AREG: variants seen among roughly 807,000 people sequenced by gnomAD.
The protein encoded by AREG is amphiregulin.
A neutral mutation model predicts 28.0 loss-of-function variants in AREG; 16 were observed. The observed-to-expected ratio is 0.57, with a 90% CI of 0.39 to 0.87. The LOEUF (loss-of-function observed/expected upper bound fraction) is 0.87. Ranked by LOEUF, AREG falls within the 40% of genes least tolerant of loss-of-function variation. AREG has a pLI of 0.00. For missense variants in AREG, 287 were observed against 309.1 expected, an observed-to-expected ratio of 0.93 and a Z score of 0.53; for synonymous variants, 113 against 113.5, an observed-to-expected ratio of 1.00 and a Z score of 0.02.
intron 4 of AREG, among the ~76,000 whole-genome samples, chr4:74,450,740 A>G (rs1260656095): frequency 6.6e-6 from 1 of 152,196 alleles, no homozygotes; most frequent in African/African-American, 2.4e-5. Context: ...TAACATGTAA[A>G]GCCCTTTTAT....
chr4:74,450,496 C>T lies in AREG; in HGVS notation c.629C>T (p.Ala210Val). 5 of 1,613,964 alleles carry T rather than the reference C, an allele frequency of 3.1e-6. No homozygotes were observed. The highest frequency in any genetic ancestry group is 4.2e-6 in the Non-Finnish European group (5 of 1,179,856). The change falls in exon 4 of 6, where the codon GCT (alanine) becomes GTT (valine). Residue 210 changes from alanine to valine, a missense_variant. Coordinates refer to ENST00000395748, the MANE Select transcript of AREG (RefSeq NM_001657.4). ...GCAGCCATAGCTGCCTTTATGTCTGCTGTGATCCTCACAGCTGTTGCTGTT... is the reference window on the plus strand; with the variant it reads ...GCAGCCATAGCTGCCTTTATGTCTGTTGTGATCCTCACAGCTGTTGCTGTT... ...ALAAIAAFMS[A>V]VILTAVAVIT...
intron 4 of AREG, 68 bp downstream of exon 4, chr4:74,450,600 C>T: frequency 6.3e-7 from 1 of 1,583,028 alleles, no homozygotes; most frequent in Admixed American, 1.7e-5. Context: ...GTATTTCTCT[C>T]ATACTCTACT....
At chr4:74,446,053 AT>A (rs1027689438) in intron 1 of AREG, among the ~76,000 whole-genome samples, 2 of 88,086 alleles carry the variant, frequency 2.3e-5, no homozygotes, top group Non-Finnish European at 4.5e-5. Flanking sequence ...TTTTAAAAAT[AT>A]GAACACATCT....
intron 2 of AREG, 134 bp downstream of exon 2, chr4:74,446,916 A>G: frequency 1.9e-6 from 3 of 1,567,352 alleles, no homozygotes; most frequent in Non-Finnish European, 2.6e-6. Context: ...CCCTAGGTAA[A>G]CTGTGACAAA....
intron 2 of AREG, among the ~76,000 whole-genome samples, chr4:74,447,895 A>G (rs1220256384): frequency 6.6e-6 from 1 of 152,238 alleles, no homozygotes; most frequent in Non-Finnish European, 1.5e-5. Context: ...TTTTGAAGGC[A>G]TGAGATTAGA....
chr4:74,455,002 C>A lies in AREG; in HGVS notation c.*262C>A. On this transcript the variant is annotated 3_prime_UTR_variant, in exon 6 of 6. Transcript: ENST00000395748. ...TTACAGCTCATTAAACTTTTTTAAC[C>A]AAACAGATTGAGAGTTTGAATATTA... 1 of 568,800 alleles carries A rather than the reference C, an allele frequency of 1.8e-6. No individual in the cohort carries two copies. The highest frequency in any genetic ancestry group is 3.1e-6 in the Non-Finnish European group (1 of 324,398). 35.2% of individuals were successfully genotyped at this position (568,800 alleles called of 1,614,324 possible). A position where few individuals can be genotyped will look rare whatever the true frequency, so the allele number is the denominator to read the frequency against.
chr4:74,445,494 G>T, intron 1 of AREG, 88 bp downstream of exon 1: 3 of 1,546,800 alleles, frequency 1.9e-6, no homozygotes, highest in Non-Finnish European at 2.6e-6. Flanking sequence ...TCTAAAAATC[G>T]CCCTTTAGTT....
At chr4:74,452,162 A>G (rs1370175872) in intron 4 of AREG, among the ~76,000 whole-genome samples, 1 of 152,194 alleles carries the variant, frequency 6.6e-6, no homozygotes, top group Non-Finnish European at 1.5e-5. Context: ...GCCTGTTTCA[A>G]AAATATTTAA....
Position 74,445,225 on chromosome 4 carries a change from G to T in AREG, c.-121G>T. The stretch of plus-strand genomic sequence containing the variant: ...GCCGCCCCGAGCTCCCCAAGCCTTC[G>T]AGAGCGGCGCACACTCCCGGTCTCC... On this transcript the variant is annotated 5_prime_UTR_variant, in exon 1 of 6. Coordinates refer to ENST00000395748, the MANE Select transcript of AREG (RefSeq NM_001657.4). 1 of 1,528,388 alleles carries T rather than the reference G, an allele frequency of 6.5e-7. No individual in the cohort carries two copies. The highest frequency in any genetic ancestry group is 1.2e-5 in the South Asian group (1 of 81,950). The allele number at this position is 1,528,388 out of a possible 1,614,324, so 94.7% of individuals were successfully genotyped here.
At position 74,445,273 on chromosome 4, in the gene AREG, C is replaced by T. The variant is rs1320946464; in HGVS notation, c.-73C>T. The stretch of plus-strand genomic sequence containing the variant: ...TCCACTCGCTCTTCCAACACCCGCT[C>T]GTTTTGGCGGCAGCTCGTGTCCCAG... On this transcript the variant is annotated 5_prime_UTR_variant, in exon 1 of 6. Transcript: ENST00000395748. 4.8e-5 allele frequency: 76 copies of T among 1,572,442 alleles called. No individual in the cohort carries two copies. Among genetic ancestry groups the T allele is most frequent in the Non-Finnish European group, 6.9e-6 (8 of 1,160,514 alleles).
At position 74,449,896 on chromosome 4, in the gene AREG, C is replaced by T. The variant is rs993963040; in HGVS notation, c.513-484C>T. ...TATAAACCATTATTTTTTGTGCATG[C>T]TCCTGCTTGCTCTCTCTCTCTCTCT... On this transcript the variant is annotated intron_variant, in intron 3 of 5. Coordinates refer to ENST00000395748, the MANE Select transcript of AREG (RefSeq NM_001657.4). Among the ~76,000 whole-genome samples, 946 of 146,918 alleles carry T rather than the reference C, an allele frequency of 6.4e-3. 11 individuals carry two copies. Among genetic ancestry groups the T allele is most frequent in the African/African-American group, 0.023 (909 of 39,390 alleles).
Position 74,446,524 on chromosome 4 carries a change from T to A in AREG, c.62-10T>A, listed in dbSNP as rs988973438. 6.2e-7 allele frequency: 1 copy of A among 1,613,824 alleles called. No individual in the cohort carries two copies. The highest frequency in any genetic ancestry group is 8.5e-7 in the Non-Finnish European group (1 of 1,179,862). On this transcript the variant is annotated splice_polypyrimidine_tract_variant and intron_variant, in intron 1 of 5. Coordinates refer to ENST00000395748, the MANE Select transcript of AREG (RefSeq NM_001657.4). ...CCTTTTCTTTTCTTCCTTTATTCCC[T>A]CCCCTGCAGGCCATTATGCTGCTGG...
chr4:74,449,337 T>C, intron 3 of AREG, 89 bp downstream of exon 3: 1 of 1,591,220 alleles, frequency 6.3e-7, no homozygotes, highest in Non-Finnish European at 8.6e-7. Context: ...TTTTCCAATG[T>C]ATAAACCAAG....
rs28364993 is a variant in AREG, at chr4:74,454,446, G to A, written c.*19-313G>A. 3.9e-3 allele frequency among the ~76,000 whole-genome samples: 601 copies of A among 152,266 alleles called. 11 individuals carry two copies. In the East Asian group the frequency reaches 0.045, roughly 11 times the overall value. On this transcript the variant is annotated intron_variant, in intron 5 of 5. Transcript: ENST00000395748. ...TAATTATGTCCACTGCATAGATTTGGTTAGGAAAACTATTTCTCATGACTG... is the reference window on the plus strand; with the variant it reads ...TAATTATGTCCACTGCATAGATTTGATTAGGAAAACTATTTCTCATGACTG...
At chr4:74,449,709 C>T (rs974846573) in intron 3 of AREG, among the ~76,000 whole-genome samples, 1 of 152,142 alleles carries the variant, frequency 6.6e-6, no homozygotes, top group Admixed American at 6.5e-5. Context: ...GAGCCGTGAT[C>T]GCACCACTAC....
At chr4:74,448,691 C>A in intron 2 of AREG, 3 of 199,672 alleles carry the variant, frequency 1.5e-5, no homozygotes, top group South Asian at 2.1e-4. Flanking sequence ...ATAGATTGAC[C>A]ACGAAAATGA....
chr4:74,452,697 T>G (rs961465247), intron 5 of AREG, 42 bp downstream of exon 5: 2 of 1,552,186 alleles, frequency 1.3e-6, no homozygotes, highest in Non-Finnish European at 1.7e-6. Context: ...ATCCTATAAT[T>G]TTGAAAAATT....
At chr4:74,447,173 T>C (rs1719306589) in intron 2 of AREG, among the ~76,000 whole-genome samples, 1 of 152,196 alleles carries the variant, frequency 6.6e-6, no homozygotes, top group Non-Finnish European at 1.5e-5. Flanking sequence ...CCCACTATGC[T>C]ACATGACCCC....
At position 74,450,422 on chromosome 4, in the gene AREG, C is replaced by T; in HGVS notation, c.555C>T (p.Ser185=). Residue 185 remains serine, a synonymous_variant, in exon 4 of 6, where the codon TCC becomes TCT. Transcript: ENST00000395748. ...EYFGERCGEK[S]MKTHSMIDSS... ...TCGGTGAACGGTGTGGGGAAAAGTC[C>T]ATGAAAACTCACAGCATGATTGACA... is the stretch of plus-strand genomic sequence containing the variant. 1 of 1,613,906 alleles carries T rather than the reference C, an allele frequency of 6.2e-7. No individual in the cohort carries two copies. The highest frequency in any genetic ancestry group is 1.3e-5 in the African/African-American group (1 of 75,012).
Sources: gnomAD v4.1 joint callset for allele counts (sites outside exome capture counted in the v4.1 genomes callset) on GRCh38, gnomAD v4.1.1 for gene constraint, MANE v1.5 for transcripts, NCBI Gene and HGNC (gene_info 2026-07-23, HGNC 2026-07-21) for gene names.